NAV3: variants seen among roughly 807,000 people sequenced by gnomAD.
NAV3 encodes pore membrane and/or filament interacting like protein 1.
In NAV3, 87 loss-of-function variants were observed where a neutral mutation model predicts 244.7. That is an observed-to-expected ratio of 0.36 (90% CI 0.30 to 0.42). The LOEUF (loss-of-function observed/expected upper bound fraction) is 0.42. NAV3 is among the 20% of genes least tolerant of loss of function. The pLI, the probability that NAV3 is intolerant of heterozygous loss-of-function variation, is 1.00. For missense variants in NAV3, 2,663 were observed against 2,893.3 expected (o/e 0.92, Z 1.83); for synonymous variants, 1,126 against 1,042.2 (o/e 1.08, Z -1.55).
chr12:77,868,063 T>A (rs557798970), intron 1 of NAV3, among the ~76,000 whole-genome samples: 1 of 151,546 alleles, frequency 6.6e-6, no homozygotes, highest in African/African-American at 2.4e-5. Flanking sequence ...TTAGCCAAGT[T>A]TGAATCATTT....
At chr12:77,746,236 C>T (rs2135783421) in intron 2 of NAV3, among the ~76,000 whole-genome samples, 1 of 152,104 alleles carries the variant, frequency 6.6e-6, no homozygotes, top group East Asian at 1.9e-4. Context: ...CTTAGCAAAC[C>T]ATATGGTCTC....
chr12:77,772,371 G>C (rs917268888), intron 2 of NAV3, among the ~76,000 whole-genome samples: 2 of 152,056 alleles, frequency 1.3e-5, no homozygotes, highest in Non-Finnish European at 2.9e-5. Context: ...TTAGGAAAAA[G>C]CAATGACTTG....
chr12:78,171,513 TA>T, intron 24 of NAV3, among the ~76,000 whole-genome samples: 1 of 151,666 alleles, frequency 6.6e-6, no homozygotes, highest in Admixed American at 6.6e-5. Context: ...TATGAAAAAA[TA>T]ATTTGCTAGG....
At chr12:78,107,884 A>G (rs1954885818) in intron 12 of NAV3, among the ~76,000 whole-genome samples, 1 of 152,152 alleles carries the variant, frequency 6.6e-6, no homozygotes, top group South Asian at 2.1e-4. Context: ...CCACAATGAC[A>G]AACAATAAGG....
intron 1 of NAV3, among the ~76,000 whole-genome samples, chr12:77,887,721 T>G (rs1883455317): frequency 6.6e-6 from 1 of 151,984 alleles, no homozygotes; most frequent in African/African-American, 2.4e-5. Flanking sequence ...ATTTTTAGAG[T>G]TTTAAACTAA....
chr12:77,572,473 T>G (rs761262101), intron 2 of NAV3, among the ~76,000 whole-genome samples: 30 of 152,100 alleles, frequency 2.0e-4, no homozygotes, highest in Non-Finnish European at 3.5e-4. Context: ...ATCTATCCAG[T>G]GGGTTGGCAA....
At chr12:78,032,910 C>G (rs2136977463) in intron 9 of NAV3, among the ~76,000 whole-genome samples, 1 of 152,210 alleles carries the variant, frequency 6.6e-6, no homozygotes, top group Admixed American at 6.5e-5. Context: ...TTCACACTTG[C>G]CCTTTTTTTT....
At chr12:77,772,677 A>G (rs1205245451) in intron 2 of NAV3, among the ~76,000 whole-genome samples, 4 of 152,104 alleles carry the variant, frequency 2.6e-5, no homozygotes, top group East Asian at 1.9e-4. Context: ...GAGAGGTTCT[A>G]TTTCTGTGGG....
intron 1 of NAV3, among the ~76,000 whole-genome samples, chr12:77,930,129 G>T (rs949567152): frequency 6.6e-6 from 1 of 152,032 alleles, no homozygotes; most frequent in African/African-American, 2.4e-5. Context: ...GTATTTCCAA[G>T]TAATATGCTT....
Position 78,210,622 on chromosome 12 carries a change from C to A in NAV3, c.*105C>A, listed in dbSNP as rs1960808352. 2.9e-6 allele frequency: 4 copies of A among 1,365,648 alleles called. No homozygotes were observed. Among genetic ancestry groups the A allele is most frequent in the Non-Finnish European group, 4.0e-6 (4 of 1,011,398 alleles). 84.6% of individuals were successfully genotyped at this position (1,365,648 alleles called of 1,614,324 possible). A position where few individuals can be genotyped will look rare whatever the true frequency, so the allele number is the denominator to read the frequency against. ...CAGTATAAAAGCACCCTGTCAAGGGCCCTGACCCAGAGTTGTGGTCTCCAA... is the reference window on the plus strand; with the variant it reads ...CAGTATAAAAGCACCCTGTCAAGGGACCTGACCCAGAGTTGTGGTCTCCAA... On this transcript the variant is annotated 3_prime_UTR_variant, in exon 40 of 40. Transcript: ENST00000397909.
chr12:78,096,816 C>A (rs982508743), intron 12 of NAV3, among the ~76,000 whole-genome samples: 3 of 152,064 alleles, frequency 2.0e-5, no homozygotes, highest in Admixed American at 6.6e-5. Flanking sequence ...TACTGGGTAC[C>A]ATATCCATTC....
chr12:78,040,616 G>T (rs1030425375), intron 9 of NAV3, among the ~76,000 whole-genome samples: 1 of 152,116 alleles, frequency 6.6e-6, no homozygotes, highest in African/African-American at 2.4e-5. Flanking sequence ...GATGCAGCTG[G>T]ATTACAACTT....
chr12:78,115,126 C>A (rs1415149673), intron 12 of NAV3, among the ~76,000 whole-genome samples: 2 of 152,148 alleles, frequency 1.3e-5, no homozygotes, highest in Non-Finnish European at 2.9e-5. Context: ...TATCAGTTCA[C>A]CATTTCTTTG....
intron 1 of NAV3, among the ~76,000 whole-genome samples, chr12:77,938,476 A>C (rs1889544060): frequency 1.3e-5 from 2 of 152,150 alleles, no homozygotes; most frequent in African/African-American, 4.8e-5. Context: ...TTTCTTATGC[A>C]ATGGGATGCT....
At chr12:78,165,189 A>C (rs760296509) in intron 23 of NAV3, among the ~76,000 whole-genome samples, 1 of 152,012 alleles carries the variant, frequency 6.6e-6, no homozygotes, top group African/African-American at 2.4e-5. Flanking sequence ...TGAATAGCTC[A>C]CTGGAGGAAA....
intron 1 of NAV3, among the ~76,000 whole-genome samples, chr12:77,833,475 C>T (rs1216647351): frequency 6.6e-6 from 1 of 152,166 alleles, no homozygotes; most frequent in Non-Finnish European, 1.5e-5. Flanking sequence ...TTCAATGCCC[C>T]GCTGCTGAAA....
At chr12:77,737,072 G>T (rs1001533591) in intron 2 of NAV3, among the ~76,000 whole-genome samples, 1 of 151,860 alleles carries the variant, frequency 6.6e-6, no homozygotes, top group Non-Finnish European at 1.5e-5. Flanking sequence ...GAAAAATTTA[G>T]CACAATTCTG....
At chr12:77,943,858 T>G (rs1890093337) in intron 3 of NAV3, among the ~76,000 whole-genome samples, 1 of 152,192 alleles carries the variant, frequency 6.6e-6, no homozygotes, top group Admixed American at 6.6e-5. Flanking sequence ...TTGTTTTTAT[T>G]TAAATGTTAA....
intron 2 of NAV3, among the ~76,000 whole-genome samples, chr12:77,778,241 TC>T (rs1397622416): frequency 2.2e-5 from 3 of 138,132 alleles, no homozygotes; most frequent in Admixed American, 7.3e-5. Context: ...TCTTCTTTCC[TC>T]CCCCCCGCCC....
Sources: gnomAD v4.1 joint callset for allele counts (sites outside exome capture counted in the v4.1 genomes callset) on GRCh38, gnomAD v4.1.1 for gene constraint, MANE v1.5 for transcripts, NCBI Gene and HGNC (gene_info 2026-07-23, HGNC 2026-07-21) for gene names.